The following COL28A1 variants were observed in gnomAD, a reference collection of about 807,000 sequenced individuals.
COL28A1 encodes collagen type XXVIII alpha 1 chain.
Under a neutral mutation model 150.2 loss-of-function variants are expected in COL28A1, and 161 were observed. The ratio of observed to expected loss-of-function variants is 1.07; its 90% CI spans 0.94 to 1.22. The LOEUF is 1.22. COL28A1 is among the 50% of genes most tolerant of loss of function. The pLI is 0.00. For missense variants in COL28A1, 1,617 were observed against 1,388.3 expected (o/e 1.16, Z -2.62); for synonymous variants, 552 against 469.7 (o/e 1.18, Z -2.26).
chr7:7,510,735 G>T (rs769740869), intron 9 of COL28A1, among the ~76,000 whole-genome samples: 1 of 152,178 alleles, frequency 6.6e-6, no homozygotes, highest in African/African-American at 2.4e-5. Context: ...TTTGGAAAGT[G>T]CCTGTTTTCA....
In COL28A1 at chr7:7,373,347, C is replaced by A. The variant is rs1275776563; in HGVS notation, c.2559G>T (p.Lys853Asn). The change falls in exon 32 of 35, where the codon AAG (lysine) becomes AAT (asparagine). Residue 853 changes from lysine (K) to asparagine (N), a missense_variant. Physicochemically the swap from Lys to Asn is moderately conservative, Grantham distance 94 (BLOSUM62 0). Transcript: ENST00000399429. The surrounding 1 kb of genome is among the most constrained non-coding windows in gnomAD (Gnocchi z 4.1). Reference protein sequence around the residue: ...SHKVEKVANLKQFSSKDDFKL... With the variant: ...SHKVEKVANLNQFSSKDDFKL... Reference sequence around the variant, plus strand: ...TGAAGTCATCCTTGCTGGAGAACTGCTTCAAATTAGCCACCTTCTCCACCT... The same window carrying A: ...TGAAGTCATCCTTGCTGGAGAACTGATTCAAATTAGCCACCTTCTCCACCT... 6.2e-7 allele frequency: 1 copy of A among 1,614,176 alleles called. No homozygotes were observed. Among genetic ancestry groups the A allele is most frequent in the East Asian group, 2.2e-5 (1 of 44,888 alleles).
intron 27 of COL28A1, among the ~76,000 whole-genome samples, chr7:7,401,901 T>C (rs1309682850): frequency 6.6e-6 from 1 of 152,180 alleles, no homozygotes; most frequent in Non-Finnish European, 1.5e-5. Flanking sequence ...GGATTCTTAT[T>C]CCAATCCCTA....
chr7:7,457,921 G>A (rs1284375876), intron 15 of COL28A1, among the ~76,000 whole-genome samples: 1 of 152,194 alleles, frequency 6.6e-6, no homozygotes, highest in African/African-American at 2.4e-5. Flanking sequence ...TAAACAGTTG[G>A]ATAGCAGATA....
chr7:7,404,519 C>T (rs896944486), intron 27 of COL28A1, among the ~76,000 whole-genome samples: 28 of 152,144 alleles, frequency 1.8e-4, no homozygotes, highest in African/African-American at 6.7e-4. Context: ...AACATGCCAG[C>T]CACCCTCCTG....
chr7:7,430,143 T>C (rs1233638943), intron 25 of COL28A1, among the ~76,000 whole-genome samples: 1 of 152,150 alleles, frequency 6.6e-6, no homozygotes, highest in East Asian at 1.9e-4. Context: ...TTCTTTTTTT[T>C]TGAAATGGAG....
rs1350552430 is a variant in COL28A1 at position 7,531,490 on chromosome 7, A to T, written c.539T>A (p.Ile180Asn). The T allele has an allele frequency of 6.2e-7, 1 of 1,609,368 alleles. No individual in the cohort carries two copies. Among genetic ancestry groups the T allele is most frequent in the East Asian group, 2.2e-5 (1 of 44,860 alleles). The change falls in exon 3 of 35, where the codon ATT becomes AAT. Residue 180 changes from isoleucine to asparagine, a missense_variant. Coordinates refer to ENST00000399429, the MANE Select transcript of COL28A1 (RefSeq NM_001037763.3). ...DVQSISEDARISGISFITIAL... is the reference protein window; with the variant it reads ...DVQSISEDARNSGISFITIAL... ...AATGGTGATAAATGATATTCCTGAA[A>T]TTCTGGCATCTTCAGAAATACTTTG...
intron 3 of COL28A1, among the ~76,000 whole-genome samples, chr7:7,526,110 G>A (rs966040623): frequency 1.3e-5 from 2 of 152,216 alleles, no homozygotes; most frequent in Non-Finnish European, 2.9e-5. Context: ...TAGAACATTT[G>A]GTTATGCCTA....
At chr7:7,464,709 T>A (rs1787922949) in intron 15 of COL28A1, among the ~76,000 whole-genome samples, 1 of 151,976 alleles carries the variant, frequency 6.6e-6, no homozygotes. Flanking sequence ...TATCAAAAAG[T>A]CTGAAAGAGC....
At chr7:7,538,255 C>T (rs1046997516), upstream of COL28A1, among the ~76,000 whole-genome samples, 1 of 152,150 alleles carries the variant, frequency 6.6e-6, no homozygotes, top group Non-Finnish European at 1.5e-5. Context: ...AATTAGTATG[C>T]TATTGGACTT....
intron 15 of COL28A1, among the ~76,000 whole-genome samples, chr7:7,457,255 G>A (rs1435205851): frequency 6.6e-6 from 1 of 152,168 alleles, no homozygotes; most frequent in Non-Finnish European, 1.5e-5. Flanking sequence ...AAGCTGTATG[G>A]AGAACAGACT....
chr7:7,441,490 C>T (rs551402291), intron 20 of COL28A1, among the ~76,000 whole-genome samples: 48 of 148,990 alleles, frequency 3.2e-4, no homozygotes, highest in South Asian at 6.4e-4. Context: ...AACTGCAAGG[C>T]GCCATATCCA....
chr7:7,410,622 C>T (rs1783729193), intron 27 of COL28A1, among the ~76,000 whole-genome samples: 1 of 150,024 alleles, frequency 6.7e-6, no homozygotes, highest in Non-Finnish European at 1.5e-5. Flanking sequence ...TTTACTACTA[C>T]CAAGATTGGT....
chr7:7,506,273 G>A (rs1222200432), intron 10 of COL28A1, among the ~76,000 whole-genome samples: 2 of 152,202 alleles, frequency 1.3e-5, no homozygotes, highest in African/African-American at 2.4e-5. Flanking sequence ...CTTATGCTAA[G>A]AGCAAACATT....
At chr7:7,505,890 T>A (rs1262598364) in intron 11 of COL28A1, 124 bp downstream of exon 11, 3 of 701,588 alleles carry the variant, frequency 4.3e-6, no homozygotes, top group Non-Finnish European at 7.8e-6. Context: ...ATCTGCAGGT[T>A]ATTATGCATT....
intron 27 of COL28A1, among the ~76,000 whole-genome samples, chr7:7,391,169 A>G (rs1782520369): frequency 6.6e-6 from 1 of 152,106 alleles, no homozygotes; most frequent in African/African-American, 2.4e-5. Context: ...AGATTCTGGT[A>G]CCTTGTATCT....
At chr7:7,452,589 T>G (rs1254570670) in intron 17 of COL28A1, among the ~76,000 whole-genome samples, 1 of 152,222 alleles carries the variant, frequency 6.6e-6, no homozygotes, top group Non-Finnish European at 1.5e-5. Flanking sequence ...TAATGTTTGA[T>G]GTATATATGG....
At chr7:7,349,225 G>A in the COL28A1 span, among the ~76,000 whole-genome samples, 1 of 152,082 alleles carries the variant, frequency 6.6e-6, no homozygotes, top group Non-Finnish European at 1.5e-5. Context: ...TGTGATAAGA[G>A]AACATACTTT....
chr7:7,504,858 T>A (rs1213002782), intron 11 of COL28A1, among the ~76,000 whole-genome samples: 2 of 152,212 alleles, frequency 1.3e-5, no homozygotes. Flanking sequence ...ATGAAAATTG[T>A]CATCTTAGGT....
At chr7:7,350,329 G>A in the COL28A1 span, among the ~76,000 whole-genome samples, 3 of 152,250 alleles carry the variant, frequency 2.0e-5, no homozygotes, top group Non-Finnish European at 2.9e-5. Flanking sequence ...GCCATTCACA[G>A]AGAGATGGAA....
Sources: allele counts gnomAD v4.1 joint callset (sites outside exome capture counted in the v4.1 genomes callset), GRCh38; gene constraint gnomAD v4.1.1; non-coding constraint Gnocchi (gnomAD v3.1); transcripts MANE v1.5; gene names NCBI Gene and HGNC (gene_info 2026-07-23, HGNC 2026-07-21).